Variants in FIP1L1 observed in about 807,000 individuals in gnomAD.
The protein encoded by FIP1L1 is pre-mRNA 3'-end-processing factor FIP1.
In FIP1L1, 21 loss-of-function variants were observed where a neutral mutation model predicts 84.6. The observed-to-expected ratio is 0.25, with a 90% CI of 0.18 to 0.36. The LOEUF (loss-of-function observed/expected upper bound fraction) is 0.36. Ranked by LOEUF, FIP1L1 falls within the 10% of genes least tolerant of loss-of-function variation. The probability of loss-of-function intolerance (pLI) is 1.00; values close to 1 mark genes in which losing one functional copy is unlikely to be tolerated. For synonymous variants in FIP1L1, 263 were observed against 242.3 expected (o/e 1.09, Z -0.80); for missense variants, 526 against 751.1 (o/e 0.70, Z 3.50).
At chr4:53,405,261 A>C (rs969716857) in intron 10 of FIP1L1, among the ~76,000 whole-genome samples, 1 of 151,980 alleles carries the variant, frequency 6.6e-6, no homozygotes, top group Non-Finnish European at 1.5e-5. Context: ...TTTATTAAAT[A>C]GGGAATCCTT....
chr4:53,416,586 C>CA, intron 11 of FIP1L1, among the ~76,000 whole-genome samples: 1 of 152,186 alleles, frequency 6.6e-6, no homozygotes, highest in East Asian at 1.9e-4. Context: ...AGTTAAGAGG[C>CA]AAAATCAGGA....
At chr4:53,443,189 T>G (rs867218014) in intron 14 of FIP1L1, among the ~76,000 whole-genome samples, 1 of 152,250 alleles carries the variant, frequency 6.6e-6, no homozygotes, top group Middle Eastern at 3.4e-3. Flanking sequence ...TTGTACCGTG[T>G]ATTTAAGGCT....
chr4:53,440,082 C>A (rs185919619), intron 13 of FIP1L1, among the ~76,000 whole-genome samples: 1 of 152,086 alleles, frequency 6.6e-6, no homozygotes, highest in East Asian at 1.9e-4. Context: ...CCTTTTCTCA[C>A]TTCTGCCAAC....
At chr4:53,437,637 G>T (rs372302903) in intron 13 of FIP1L1, among the ~76,000 whole-genome samples, 8 of 151,890 alleles carry the variant, frequency 5.3e-5, no homozygotes, top group Non-Finnish European at 1.0e-4. Flanking sequence ...TAGGGGAAGG[G>T]CCCAGCAATC....
In FIP1L1 at chr4:53,459,960, A is replaced by ATTC. The variant is rs146013750; in HGVS notation, c.*513_*515dup. The ATTC allele has an allele frequency of 4.6e-6, 1 of 215,090 alleles. No individual in the cohort carries two copies. The highest frequency in any genetic ancestry group is 2.3e-5 in the African/African-American group (1 of 44,360). The allele number at this position is 215,090 out of a possible 1,614,324, so 13.3% of individuals were successfully genotyped here. ...CACAACTTTTTGATGGCTTTTCAATATTCTAAATTTGGGTTCCTGGTGAAA... is the reference window on the plus strand; with the variant it reads ...CACAACTTTTTGATGGCTTTTCAATATTCTTCTAAATTTGGGTTCCTGGTGAAA... On this transcript the variant is annotated 3_prime_UTR_variant, in exon 18 of 18. Transcript: ENST00000337488.
chr4:53,415,450 A>G (rs1172615015), intron 11 of FIP1L1, among the ~76,000 whole-genome samples: 1 of 152,142 alleles, frequency 6.6e-6, no homozygotes, highest in Non-Finnish European at 1.5e-5. Flanking sequence ...TGACTTCAAA[A>G]TACAGACCAA....
At chr4:53,406,045 G>A (rs983500904) in intron 10 of FIP1L1, among the ~76,000 whole-genome samples, 5 of 151,836 alleles carry the variant, frequency 3.3e-5, no homozygotes, top group African/African-American at 1.2e-4. Context: ...CCAACACTAT[G>A]TTGAATAGGA....
chr4:53,409,275 G>T (rs543286063), intron 10 of FIP1L1, among the ~76,000 whole-genome samples: 7 of 152,318 alleles, frequency 4.6e-5, no homozygotes, highest in African/African-American at 1.7e-4. Context: ...GATCCTGTTT[G>T]CCTGGATACC....
chr4:53,410,699 A>G (rs1246751872), intron 10 of FIP1L1, among the ~76,000 whole-genome samples: 1 of 152,262 alleles, frequency 6.6e-6, no homozygotes, highest in Admixed American at 6.5e-5. Flanking sequence ...TGTGTAACAT[A>G]ACTATTTGTT....
chr4:53,397,540 G>A lies in FIP1L1; in HGVS notation c.706-2190G>A, dbSNP rs1262435792. Among the ~76,000 whole-genome samples the A allele has an allele frequency of 3.3e-5, 5 of 152,214 alleles. No individual in the cohort carries two copies. In the East Asian group the frequency reaches 7.7e-4, roughly 24 times the overall value. ...GGTAGTCTCTGTCTGTTGATAAAAAGGCTCATAATAAAAATAAAAAATGCA... is the reference window on the plus strand; with the variant it reads ...GGTAGTCTCTGTCTGTTGATAAAAAAGCTCATAATAAAAATAAAAAATGCA... On this transcript the variant is annotated intron_variant, in intron 9 of 17. Coordinates refer to ENST00000337488, the MANE Select transcript of FIP1L1 (RefSeq NM_030917.4).
chr4:53,417,743 AC>A (rs1372712099), intron 11 of FIP1L1, among the ~76,000 whole-genome samples: 1 of 18,732 alleles, frequency 5.3e-5, no homozygotes, highest in Non-Finnish European at 1.0e-4. Flanking sequence ...TTTTAAACAC[AC>A]ACACACACAC....
At chr4:53,424,407 A>G (rs1395097658) in intron 11 of FIP1L1, among the ~76,000 whole-genome samples, 1 of 152,078 alleles carries the variant, frequency 6.6e-6, no homozygotes, top group Non-Finnish European at 1.5e-5. Context: ...GAATATTAAG[A>G]TCTTTCCCCA....
intron 1 of FIP1L1, chr4:53,378,863 A>T (rs2149223219): frequency 6.1e-6 from 3 of 494,998 alleles, no homozygotes; most frequent in Admixed American, 7.9e-5. Context: ...ATAAACTTGT[A>T]AAAAAAAATC....
chr4:53,401,930 T>G (rs527717470), intron 10 of FIP1L1, among the ~76,000 whole-genome samples: 2 of 152,112 alleles, frequency 1.3e-5, no homozygotes, highest in African/African-American at 2.4e-5. Context: ...AAAATGGAAT[T>G]AGACCATAAA....
At chr4:53,416,218 T>C (rs1560534391) in intron 11 of FIP1L1, among the ~76,000 whole-genome samples, 1 of 152,220 alleles carries the variant, frequency 6.6e-6, no homozygotes, top group Non-Finnish European at 1.5e-5. Context: ...TGGGTTTATA[T>C]TTAACCTGGC....
chr4:53,458,239 C>T (rs1720493376), intron 16 of FIP1L1, among the ~76,000 whole-genome samples: 1 of 151,916 alleles, frequency 6.6e-6, no homozygotes, highest in Non-Finnish European at 1.5e-5. Flanking sequence ...CAAGACTTTC[C>T]AAGAATATTG....
intron 11 of FIP1L1, among the ~76,000 whole-genome samples, chr4:53,418,503 T>C (rs1413128164): frequency 6.6e-6 from 1 of 152,174 alleles, no homozygotes; most frequent in African/African-American, 2.4e-5. Context: ...CTTTATAAAA[T>C]CAAATTTTTA....
Position 53,377,685 on chromosome 4 carries a change from C to G in FIP1L1, c.-154C>G, listed in dbSNP as rs549010559. ...TGCGCTGGAGGCTTCATCTTTGCCG[C>G]CGCTGCCGTCGCCTTCCTGGGATTG... On this transcript the variant is annotated 5_prime_UTR_variant, in exon 1 of 18. Transcript: ENST00000337488. The G allele has an allele frequency of 1.2e-5, 8 of 652,046 alleles. No individual in the cohort carries two copies. Among genetic ancestry groups the G allele is most frequent in the South Asian group, 9.1e-5 (4 of 43,980 alleles). The allele number at this position is 652,046 out of a possible 1,614,324, so 40.4% of individuals were successfully genotyped here.
intron 13 of FIP1L1, among the ~76,000 whole-genome samples, chr4:53,429,996 T>A (rs985060714): frequency 4.6e-5 from 7 of 152,212 alleles, no homozygotes; most frequent in African/African-American, 1.7e-4. Context: ...TCTCTGCTTC[T>A]ATGAGTTGGA....
Sources: allele counts gnomAD v4.1 joint callset (sites outside exome capture counted in the v4.1 genomes callset), GRCh38; gene constraint gnomAD v4.1.1; transcripts MANE v1.5; gene names NCBI Gene and HGNC (gene_info 2026-07-23, HGNC 2026-07-21).